PARD3B: variants seen among roughly 807,000 people sequenced by gnomAD.
PARD3B encodes par-3 family cell polarity regulator beta, also known as partitioning defective 3 homolog B.
In PARD3B, 103 loss-of-function variants were observed where a neutral mutation model predicts 130.2. The ratio of observed to expected loss-of-function variants is 0.79; its 90% CI spans 0.67 to 0.93. The LOEUF (loss-of-function observed/expected upper bound fraction) is 0.93, where lower values mean the gene tolerates loss of function less well. Ranked by LOEUF, PARD3B falls within the 40% of genes least tolerant of loss-of-function variation. PARD3B has a pLI of 0.00. For missense variants in PARD3B, 1,609 were observed against 1,499.2 expected, an observed-to-expected ratio of 1.07 and a Z score of -1.21; for synonymous variants, 583 against 553.2, an observed-to-expected ratio of 1.05 and a Z score of -0.76.
intron 15 of PARD3B, among the ~76,000 whole-genome samples, chr2:205,211,301 A>C (rs2037619851): frequency 6.6e-6 from 1 of 152,002 alleles, no homozygotes; most frequent in Admixed American, 6.6e-5. Flanking sequence ...GCTCCATGTG[A>C]ATGTATGTAT....
chr2:205,607,839 C>CCCAT (rs2055064913), intron 22 of PARD3B, among the ~76,000 whole-genome samples: 1 of 78,176 alleles, frequency 1.3e-5, no homozygotes, highest in Admixed American at 1.0e-4. Context: ...CATACACACA[C>CCCAT]ACACACACAC....
At chr2:204,833,557 A>G (rs2043910847) in intron 2 of PARD3B, among the ~76,000 whole-genome samples, 1 of 151,988 alleles carries the variant, frequency 6.6e-6, no homozygotes, top group African/African-American at 2.4e-5. Context: ...ACCTGGTGGG[A>G]GGTAGTTGAA....
chr2:205,091,453 A>G lies in PARD3B; in HGVS notation c.505-12973A>G, dbSNP rs1177391480. 1.3e-5 allele frequency among the ~76,000 whole-genome samples: 2 copies of G among 152,180 alleles called. No homozygotes were observed. The highest frequency in any genetic ancestry group is 2.9e-5 in the Non-Finnish European group (2 of 68,034). On this transcript the variant is annotated intron_variant, in intron 4 of 22. Coordinates refer to ENST00000406610, the MANE Select transcript of PARD3B (RefSeq NM_001302769.2). This position sits in a 1 kb window ranked among gnomAD's most constrained non-coding sequence, Gnocchi z 4.2. ...GGGGAAATAGATGAGGAGGGTGGCC[A>G]TTAGAATATCCTCCCCACATTCACT...
chr2:204,905,554 CTT>C (rs2047013756), intron 2 of PARD3B, among the ~76,000 whole-genome samples: 1 of 152,136 alleles, frequency 6.6e-6, no homozygotes, highest in African/African-American at 2.4e-5. Flanking sequence ...GGTTTTAAAA[CTT>C]TGTGTAGGAT....
chr2:204,631,484 G>A (rs1297524416), intron 1 of PARD3B, among the ~76,000 whole-genome samples: 2 of 152,060 alleles, frequency 1.3e-5, no homozygotes, highest in Admixed American at 6.6e-5. Context: ...TCTTGACCTC[G>A]TGATCTGCGT....
chr2:205,328,144 G>A (rs1050055658), intron 18 of PARD3B, among the ~76,000 whole-genome samples: 11 of 152,070 alleles, frequency 7.2e-5, no homozygotes, highest in African/African-American at 2.7e-4. Context: ...TACATGGAAT[G>A]CTATCAGTTG....
intron 22 of PARD3B, among the ~76,000 whole-genome samples, chr2:205,582,848 A>C (rs559157372): frequency 3.3e-5 from 5 of 152,220 alleles, no homozygotes; most frequent in African/African-American, 1.2e-4. Context: ...AGGGAAAAAA[A>C]AGAAGGGATG....
rs187702579 is a variant in PARD3B, at chr2:205,138,874, C to A, written c.1434+13137C>A. Among the ~76,000 whole-genome samples, 205 of 152,326 alleles carry A rather than the reference C, an allele frequency of 1.3e-3. No individual in the cohort carries two copies. In the Middle Eastern group the frequency reaches 0.017, roughly 13 times the overall value. On this transcript the variant is annotated intron_variant, in intron 10 of 22. Transcript: ENST00000406610. ...ATCTTTCTCATGGCTACCTCTTCGA[C>A]CCCTGCCATGGCAACGCTTGTTGCC...
Position 205,224,573 on chromosome 2 carries a change from A to G in PARD3B, c.2141-21205A>G, listed in dbSNP as rs1350718338. On this transcript the variant is annotated intron_variant, in intron 15 of 22. Coordinates refer to ENST00000406610, the MANE Select transcript of PARD3B (RefSeq NM_001302769.2). Reference sequence around the variant, plus strand: ...CGCCCCCAACCCCCCAGCACACACTAGCCTTCCCAACCCCTCTGGTTATCA... The same window carrying G: ...CGCCCCCAACCCCCCAGCACACACTGGCCTTCCCAACCCCTCTGGTTATCA... Among the ~76,000 whole-genome samples the G allele has an allele frequency of 3.7e-5, 4 of 109,032 alleles. No homozygotes were observed. In the East Asian group the frequency reaches 9.8e-4, roughly 27 times the overall value. 71.5% of individuals were successfully genotyped at this position (109,032 alleles called of 152,430 possible).
chr2:205,410,455 T>G (rs2046558793), intron 19 of PARD3B, among the ~76,000 whole-genome samples: 1 of 152,158 alleles, frequency 6.6e-6, no homozygotes, highest in African/African-American at 2.4e-5. Flanking sequence ...TTTGAGGATG[T>G]ATTCTTATAG....
At chr2:204,646,748 C>T (rs913718234) in intron 1 of PARD3B, among the ~76,000 whole-genome samples, 7 of 152,154 alleles carry the variant, frequency 4.6e-5, no homozygotes, top group Admixed American at 3.9e-4. Context: ...GGTTCTTCCA[C>T]ATCCTAGAGT....
At chr2:204,643,037 C>A (rs1318599192) in intron 1 of PARD3B, among the ~76,000 whole-genome samples, 1 of 144,244 alleles carries the variant, frequency 6.9e-6, no homozygotes, top group African/African-American at 2.6e-5. Flanking sequence ...TCATTTGAAC[C>A]CGGGGGGCGC....
At chr2:204,945,066 C>T (rs551076484) in intron 2 of PARD3B, among the ~76,000 whole-genome samples, 2 of 152,304 alleles carry the variant, frequency 1.3e-5, no homozygotes, top group East Asian at 3.9e-4. Context: ...CTGTTTACAT[C>T]AGAAAAAGAT....
chr2:205,044,147 A>G (rs932348831), intron 3 of PARD3B, among the ~76,000 whole-genome samples: 1 of 152,040 alleles, frequency 6.6e-6, no homozygotes, highest in Non-Finnish European at 1.5e-5. Flanking sequence ...CATCATTTTT[A>G]TGGCTGCATA....
At chr2:205,067,532 ATTTTC>A (rs1700467733) in intron 4 of PARD3B, among the ~76,000 whole-genome samples, 1 of 152,050 alleles carries the variant, frequency 6.6e-6, no homozygotes, top group East Asian at 1.9e-4. Flanking sequence ...ATGCTTATCA[ATTTTC>A]TTTTATTATT....
rs1553550390 is a variant in PARD3B at position 205,575,111 on chromosome 2, A to ACACACG, written c.3260+21711_3260+21712insACGCAC. On this transcript the variant is annotated intron_variant, in intron 22 of 22. Transcript: ENST00000406610. This position sits in a 1 kb window ranked among gnomAD's most constrained non-coding sequence, Gnocchi z 4.6. ...CACACACACACACACACACACACAC[A>ACACACG]CACGCGTACACTATATATAAAAATA... 1.4e-5 allele frequency among the ~76,000 whole-genome samples: 2 copies of ACACACG among 147,066 alleles called. No homozygotes were observed. Among genetic ancestry groups the ACACACG allele is most frequent in the Non-Finnish European group, 3.0e-5 (2 of 65,674 alleles).
At chr2:204,877,253 G>C (rs1334512699) in intron 2 of PARD3B, among the ~76,000 whole-genome samples, 3 of 152,066 alleles carry the variant, frequency 2.0e-5, no homozygotes, top group Non-Finnish European at 4.4e-5. Context: ...GTTGTGGGGT[G>C]GGGGTAGAGG....
chr2:204,838,234 A>G (rs571505040), intron 2 of PARD3B, among the ~76,000 whole-genome samples: 21 of 145,384 alleles, frequency 1.4e-4, no homozygotes, highest in Non-Finnish European at 3.1e-4. Flanking sequence ...CCAGGCTGCA[A>G]TGCAGTGGCA....
rs1251820535 is a variant in PARD3B at position 204,686,284 on chromosome 2, TA to T, written c.222+3del. Reference sequence around the variant, plus strand: ...GATGTTGTTGAAGATAAAGACAAGGTAGATAACTCTAAAAATGTGCCTCTTT... The same window carrying T: ...GATGTTGTTGAAGATAAAGACAAGGTGATAACTCTAAAAATGTGCCTCTTT... On this transcript the variant is annotated splice_donor_region_variant and intron_variant, in intron 2 of 22. Transcript: ENST00000406610. 1.3e-6 allele frequency: 2 copies of T among 1,595,482 alleles called. No homozygotes were observed. The highest frequency in any genetic ancestry group is 1.7e-6 in the Non-Finnish European group (2 of 1,163,384).
Sources: gnomAD v4.1 joint callset for allele counts (sites outside exome capture counted in the v4.1 genomes callset) on GRCh38, gnomAD v4.1.1 for gene constraint, Gnocchi (gnomAD v3.1) non-coding constraint, MANE v1.5 for transcripts, NCBI Gene and HGNC (gene_info 2026-07-23, HGNC 2026-07-21) for gene names.